FYB2: variants seen among roughly 807,000 people sequenced by gnomAD.
FYB2 encodes FYN-binding protein 2.
FYB2 carries 103 observed loss-of-function variants against 94.1 expected under a neutral mutation model. The ratio of observed to expected loss-of-function variants is 1.09; its 90% CI spans 0.93 to 1.29. FYB2 has a LOEUF of 1.29. FYB2 is among the 50% of genes most tolerant of loss of function. The probability of loss-of-function intolerance (pLI) is 0.00; values close to 1 mark genes in which losing one functional copy is unlikely to be tolerated. For missense variants in FYB2, 896 were observed against 841.5 expected (o/e 1.06, Z -0.80); for synonymous variants, 293 against 287.9 (o/e 1.02, Z -0.18).
intron 19 of FYB2, 92 bp downstream of exon 19, chr1:56,719,929 AT>A: frequency 7.5e-7 from 1 of 1,337,826 alleles, no homozygotes; most frequent in Non-Finnish European, 1.0e-6. Flanking sequence ...CTTATCCTGA[AT>A]TTCAATAAAT....
At chr1:56,820,201 A>AG (rs931567955), upstream of FYB2, among the ~76,000 whole-genome samples, 1 of 141,792 alleles carries the variant, frequency 7.1e-6, no homozygotes, top group Admixed American at 7.2e-5. Flanking sequence ...ACTGCACTCC[A>AG]GGGGGACAGA....
chr1:56,826,182 C>T, the FYB2 span, among the ~76,000 whole-genome samples: 1 of 152,216 alleles, frequency 6.6e-6, no homozygotes, highest in African/African-American at 2.4e-5. Flanking sequence ...TTCCCTCATT[C>T]CCCTCTATGG....
intron 1 of FYB2, among the ~76,000 whole-genome samples, chr1:56,815,183 A>G (rs1646855005): frequency 6.6e-6 from 1 of 151,918 alleles, no homozygotes; most frequent in Non-Finnish European, 1.5e-5. Flanking sequence ...ACCCTGCCAT[A>G]TTACCCATCT....
intron 9 of FYB2, among the ~76,000 whole-genome samples, chr1:56,749,169 GT>G (rs1045747835): frequency 1.3e-5 from 2 of 150,986 alleles, no homozygotes; most frequent in African/African-American, 4.9e-5. Context: ...ATAGATTTCT[GT>G]TTTTTATCCT....
intron 18 of FYB2, 46 bp from the exon 19 acceptor site, chr1:56,720,101 A>C: frequency 6.3e-7 from 1 of 1,591,234 alleles, no homozygotes. Flanking sequence ...TATAGAGAAA[A>C]TGTTTTTTTA....
At chr1:56,783,565 AAG>A (rs71721475) in intron 4 of FYB2, among the ~76,000 whole-genome samples, 14,239 of 152,134 alleles carry the variant, frequency 0.094, 844 homozygotes, top group Admixed American at 0.19. Flanking sequence ...TTGTCACATA[AAG>A]AGGGGGTAAA....
intron 3 of FYB2, among the ~76,000 whole-genome samples, chr1:56,788,589 A>G (rs1278046764): frequency 6.6e-6 from 1 of 152,158 alleles, no homozygotes; most frequent in Non-Finnish European, 1.5e-5. Flanking sequence ...ATTTCAGGTC[A>G]AGTTCACACT....
chr1:56,741,123 T>C (rs1489858456), intron 12 of FYB2, among the ~76,000 whole-genome samples: 2 of 151,970 alleles, frequency 1.3e-5, no homozygotes, highest in Non-Finnish European at 2.9e-5. Context: ...ATAAAAAAAA[T>C]AAAGAACCAG....
chr1:56,771,600 A>AG (rs2100835428), intron 4 of FYB2, among the ~76,000 whole-genome samples: 1 of 152,284 alleles, frequency 6.6e-6, no homozygotes, highest in East Asian at 1.9e-4. Flanking sequence ...ATGCAGTTGA[A>AG]GGGGACTAGA....
At position 56,787,170 on chromosome 1, in the gene FYB2, C is replaced by T; in HGVS notation, c.953+5G>A. 1 of 1,613,922 alleles carries T rather than the reference C, an allele frequency of 6.2e-7. No homozygotes were observed. Among genetic ancestry groups the T allele is most frequent in the Non-Finnish European group, 8.5e-7 (1 of 1,179,840 alleles). On this transcript the variant is annotated splice_donor_5th_base_variant and intron_variant, in intron 4 of 19. Transcript: ENST00000343433. ...TTCCTACACAACTAAGGAGCATGTACTTACCTCTCTGGAGACAGGGAGCCC... is the reference window on the plus strand; with the variant it reads ...TTCCTACACAACTAAGGAGCATGTATTTACCTCTCTGGAGACAGGGAGCCC...
At chr1:56,737,359 A>G in intron 14 of FYB2, 1 of 430,832 alleles carries the variant, frequency 2.3e-6, no homozygotes, top group East Asian at 4.1e-5. Context: ...ATTAAAAAAA[A>G]GTGTGATGTC....
In FYB2 at chr1:56,744,085, A is replaced by G. The variant is rs72907395; in HGVS notation, c.1503-19T>C. The G allele has an allele frequency of 7.3e-3, 11,825 of 1,612,478 alleles. 738 individuals are homozygous for G. In the African/African-American group the frequency reaches 0.14, roughly 18 times the overall value. On this transcript the variant is annotated intron_variant, in intron 10 of 19. Transcript: ENST00000343433. Reference sequence around the variant, plus strand: ...CTTCGGTCTATGGGAGAAAATAACAAAGACCATTATTGTACCTTTAAAGTC... The same window carrying G: ...CTTCGGTCTATGGGAGAAAATAACAGAGACCATTATTGTACCTTTAAAGTC...
intron 1 of FYB2, among the ~76,000 whole-genome samples, chr1:56,813,363 C>T (rs1646810413): frequency 6.6e-6 from 1 of 152,190 alleles, no homozygotes. Flanking sequence ...TCCTACATGG[C>T]AGCAGGTAAG....
At chr1:56,765,549 A>G (rs1389992716) in intron 5 of FYB2, among the ~76,000 whole-genome samples, 2 of 152,044 alleles carry the variant, frequency 1.3e-5, no homozygotes, top group African/African-American at 4.8e-5. Context: ...TTTTTCTATG[A>G]TGTTTGGCTG....
At chr1:56,773,712 G>A (rs112046587) in intron 4 of FYB2, among the ~76,000 whole-genome samples, 1 of 152,142 alleles carries the variant, frequency 6.6e-6, no homozygotes, top group African/African-American at 2.4e-5. Context: ...ATTGAGACTT[G>A]AACAACAAAA....
intron 5 of FYB2, among the ~76,000 whole-genome samples, chr1:56,759,962 C>T: frequency 6.6e-6 from 1 of 151,638 alleles, no homozygotes; most frequent in Non-Finnish European, 1.5e-5. Context: ...GCCTATAATC[C>T]CAGCTACTCT....
chr1:56,780,424 C>T (rs1464347439), intron 4 of FYB2, among the ~76,000 whole-genome samples: 1 of 152,084 alleles, frequency 6.6e-6, no homozygotes, highest in Admixed American at 6.6e-5. Flanking sequence ...GTCTATTAAG[C>T]CTTGCCCTCT....
chr1:56,719,471 G>GAT lies in FYB2; in HGVS notation c.*198_*199dup, dbSNP rs1435964645. 5.7e-6 allele frequency: 3 copies of GAT among 526,212 alleles called. No individual in the cohort carries two copies. Among genetic ancestry groups the GAT allele is most frequent in the Non-Finnish European group, 1.0e-5 (3 of 299,466 alleles). 32.6% of individuals were successfully genotyped at this position (526,212 alleles called of 1,614,324 possible). ...GTAGATACTGAAATAGACATTGAAA[G>GAT]ATAACCTTTTAGGAGTAAAACCAAC... On this transcript the variant is annotated 3_prime_UTR_variant, in exon 20 of 20. Transcript: ENST00000343433.
intron 14 of FYB2, 65 bp from the exon 15 acceptor site, chr1:56,737,212 C>A: frequency 8.2e-7 from 1 of 1,216,336 alleles, no homozygotes; most frequent in Non-Finnish European, 1.2e-6. Flanking sequence ...ACTGACTTTC[C>A]AAATTATACT....
Sources: allele counts gnomAD v4.1 joint callset (sites outside exome capture counted in the v4.1 genomes callset), GRCh38; gene constraint gnomAD v4.1.1; transcripts MANE v1.5; gene names NCBI Gene and HGNC (gene_info 2026-07-23, HGNC 2026-07-21).